Variants in PTPRG observed in about 807,000 individuals in gnomAD.
The protein encoded by PTPRG is protein tyrosine phosphatase receptor type G.
In PTPRG, 102 loss-of-function variants were observed where a neutral mutation model predicts 165.3. The observed-to-expected ratio is 0.62, with a 90% CI of 0.53 to 0.73. PTPRG has a LOEUF of 0.73. Among genes scored for constraint, PTPRG ranks in the 30% least tolerant of loss-of-function variants. The probability of loss-of-function intolerance (pLI) is 0.00; values close to 1 mark genes in which losing one functional copy is unlikely to be tolerated. For missense variants in PTPRG, 1,866 were observed against 1,861.4 expected (o/e 1.00, Z -0.05); for synonymous variants, 675 against 669.5 (o/e 1.01, Z -0.13).
At chr3:61,816,573 C>T (rs2035769833) in intron 2 of PTPRG, among the ~76,000 whole-genome samples, 1 of 152,148 alleles carries the variant, frequency 6.6e-6, no homozygotes, top group African/African-American at 2.4e-5. Flanking sequence ...AATGTTAACT[C>T]TATCCCATCC....
At chr3:61,848,073 A>G (rs936751131) in intron 2 of PTPRG, among the ~76,000 whole-genome samples, 5 of 152,200 alleles carry the variant, frequency 3.3e-5, no homozygotes, top group African/African-American at 1.2e-4. Context: ...AGTGTTAGGG[A>G]ACCTGGAGCC....
chr3:62,181,514 T>C (rs4447755), intron 8 of PTPRG, among the ~76,000 whole-genome samples: 46,362 of 151,982 alleles, frequency 0.31, 7,605 homozygotes, highest in African/African-American at 0.43. Context: ...TCAGTAAGTT[T>C]TCTAAGCAAC....
At chr3:62,047,443 G>T (rs1487555821) in intron 4 of PTPRG, among the ~76,000 whole-genome samples, 1 of 152,040 alleles carries the variant, frequency 6.6e-6, no homozygotes, top group African/African-American at 2.4e-5. Context: ...TGTATTTTTA[G>T]TAGAGATGGG....
chr3:61,859,054 A>T (rs180892327), intron 2 of PTPRG, among the ~76,000 whole-genome samples: 34 of 152,250 alleles, frequency 2.2e-4, no homozygotes, highest in African/African-American at 6.7e-4. Context: ...TGTGTCTCTG[A>T]CTTGTTTAGG....
At position 61,636,227 on chromosome 3, in the gene PTPRG, T is replaced by G. The variant is rs143038879; in HGVS notation, c.85+73855T>G. Among the ~76,000 whole-genome samples the G allele has an allele frequency of 3.5e-3, 535 of 152,342 alleles. 1 individual carries two copies. Among genetic ancestry groups the G allele is most frequent in the South Asian group, 8.9e-3 (43 of 4,828 alleles). Reference sequence around the variant, plus strand: ...ATTCATATAGTATACAGTTTACTCATTTAAAGTATTTTGCATATATTCAAA... The same window carrying G: ...ATTCATATAGTATACAGTTTACTCAGTTAAAGTATTTTGCATATATTCAAA... On this transcript the variant is annotated intron_variant, in intron 1 of 29. Transcript: ENST00000474889.
chr3:61,621,215 T>G (rs1701450271), intron 1 of PTPRG, among the ~76,000 whole-genome samples: 1 of 152,208 alleles, frequency 6.6e-6, no homozygotes, highest in African/African-American at 2.4e-5. Context: ...TTGAATTGTC[T>G]TATGCACCCC....
At chr3:62,250,712 A>G (rs1701391245) in intron 15 of PTPRG, among the ~76,000 whole-genome samples, 1 of 152,122 alleles carries the variant, frequency 6.6e-6, no homozygotes, top group Admixed American at 6.5e-5. Flanking sequence ...TATTGCCTAC[A>G]GTGTTGCATT....
intron 2 of PTPRG, among the ~76,000 whole-genome samples, chr3:61,980,300 G>A (rs1026403907): frequency 6.6e-6 from 1 of 152,332 alleles, no homozygotes; most frequent in Admixed American, 6.5e-5. Context: ...CTCTGAGGCA[G>A]AAAACTTCAG....
intron 28 of PTPRG, among the ~76,000 whole-genome samples, chr3:62,285,363 G>A (rs142467597): frequency 1.2e-4 from 19 of 152,158 alleles, no homozygotes; most frequent in African/African-American, 4.6e-4. Context: ...GTGTTTTTAA[G>A]CTCTGTCAAA....
At chr3:62,049,521 G>T (rs950673507) in intron 4 of PTPRG, among the ~76,000 whole-genome samples, 22 of 151,910 alleles carry the variant, frequency 1.4e-4, no homozygotes, top group Non-Finnish European at 2.8e-4. Context: ...CTTTTACTCG[G>T]TAACTTTCCA....
chr3:61,889,725 A>C (rs2038155320), intron 2 of PTPRG, among the ~76,000 whole-genome samples: 1 of 152,140 alleles, frequency 6.6e-6, no homozygotes, highest in Admixed American at 6.5e-5. Context: ...ATGGCATCAC[A>C]CTCTTCCCCA....
chr3:61,988,687 AT>A (rs1437477461), intron 2 of PTPRG, among the ~76,000 whole-genome samples: 1 of 152,170 alleles, frequency 6.6e-6, no homozygotes, highest in African/African-American at 2.4e-5. Context: ...CTAATTCTCA[AT>A]AAAGGATTCA....
chr3:61,819,334 G>A (rs2035886804), intron 2 of PTPRG, among the ~76,000 whole-genome samples: 1 of 152,156 alleles, frequency 6.6e-6, no homozygotes, highest in African/African-American at 2.4e-5. Context: ...AGGAAGCATT[G>A]ATGACATAAG....
At chr3:61,961,983 C>A (rs1465890410) in intron 2 of PTPRG, among the ~76,000 whole-genome samples, 1 of 152,104 alleles carries the variant, frequency 6.6e-6, no homozygotes, top group African/African-American at 2.4e-5. Context: ...TGTCTTACAC[C>A]CAGCTCCCTA....
intron 4 of PTPRG, among the ~76,000 whole-genome samples, chr3:62,028,104 T>C (rs1220305413): frequency 6.6e-6 from 1 of 152,230 alleles, no homozygotes; most frequent in African/African-American, 2.4e-5. Flanking sequence ...GACAGTGGTT[T>C]ACTGGAAGTC....
chr3:62,165,208 T>C (rs1704923488), intron 7 of PTPRG, among the ~76,000 whole-genome samples: 1 of 152,226 alleles, frequency 6.6e-6, no homozygotes, highest in South Asian at 2.1e-4. Context: ...CTTTAACCTT[T>C]CCTCACAGGA....
At chr3:62,012,095 T>G (rs149708737) in intron 4 of PTPRG, among the ~76,000 whole-genome samples, 43 of 152,260 alleles carry the variant, frequency 2.8e-4, no homozygotes, top group African/African-American at 7.2e-4. Context: ...GTGGTAATAG[T>G]GATGATATTG....
intron 2 of PTPRG, among the ~76,000 whole-genome samples, chr3:61,884,248 C>A (rs914007263): frequency 2.6e-5 from 4 of 152,042 alleles, no homozygotes; most frequent in African/African-American, 9.7e-5. Flanking sequence ...CTGTAAGTGG[C>A]AGAATAGTGA....
chr3:61,728,765 G>A (rs2032364980), intron 1 of PTPRG, among the ~76,000 whole-genome samples: 1 of 151,612 alleles, frequency 6.6e-6, no homozygotes, highest in Non-Finnish European at 1.5e-5. Context: ...GAGCAGGCCT[G>A]GTGGCTCATG....
Sources: gnomAD v4.1 joint callset for allele counts (sites outside exome capture counted in the v4.1 genomes callset) on GRCh38, gnomAD v4.1.1 for gene constraint, MANE v1.5 for transcripts, NCBI Gene and HGNC (gene_info 2026-07-23, HGNC 2026-07-21) for gene names.